Variants in SBF2 observed in about 807,000 individuals in gnomAD.
SBF2 encodes myotubularin-related protein 13.
In SBF2, 112 loss-of-function variants were observed where a neutral mutation model predicts 225.2. The observed-to-expected ratio is 0.50, with a 90% CI of 0.43 to 0.58. The LOEUF is 0.58. Among genes scored for constraint, SBF2 ranks in the 20% least tolerant of loss-of-function variants. The pLI is 0.00. For missense variants in SBF2, 1,996 were observed against 2,206.2 expected, an observed-to-expected ratio of 0.90 and a Z score of 1.91; for synonymous variants, 763 against 773.3, an observed-to-expected ratio of 0.99 and a Z score of 0.22.
At chr11:10,268,795 A>C (rs1962225128) in intron 1 of SBF2, among the ~76,000 whole-genome samples, 1 of 152,238 alleles carries the variant, frequency 6.6e-6, no homozygotes, top group African/African-American at 2.4e-5. Flanking sequence ...AATTAGACAA[A>C]TGTAAACGGA....
intron 1 of SBF2, among the ~76,000 whole-genome samples, chr11:10,224,618 T>A (rs1225379928): frequency 6.6e-6 from 1 of 152,112 alleles, no homozygotes; most frequent in African/African-American, 2.4e-5. Flanking sequence ...ATACCTAAAG[T>A]TTTTTTAATA....
At chr11:9,931,086 A>C (rs969182232) in intron 16 of SBF2, among the ~76,000 whole-genome samples, 2 of 152,244 alleles carry the variant, frequency 1.3e-5, no homozygotes, top group Non-Finnish European at 2.9e-5. Context: ...TGCGTAGGTA[A>C]ACAAAGAAAC....
intron 2 of SBF2, among the ~76,000 whole-genome samples, chr11:10,133,303 C>T (rs1441833132): frequency 1.3e-5 from 2 of 149,536 alleles, no homozygotes; most frequent in South Asian, 2.1e-4. Flanking sequence ...GCCGTGTGCT[C>T]GCATTCCTCA....
At chr11:10,200,528 T>C (rs944282136) in intron 1 of SBF2, among the ~76,000 whole-genome samples, 4 of 152,202 alleles carry the variant, frequency 2.6e-5, no homozygotes, top group Admixed American at 1.3e-4. Context: ...ATGAAACATG[T>C]AAATCCCTTT....
chr11:9,858,243 G>C lies in SBF2; in HGVS notation c.2083C>G (p.Pro695Ala), dbSNP rs772258194. The stretch of plus-strand genomic sequence containing the variant: ...TCTCTTACCTTTTGCTTCAGATGCG[G>C]GGCATGATTGTCTTCCTTGGCTGAG... ...YLSAKEDNHA[P>A]HLKQKDKLPD... Residue 695 changes from proline to alanine, a missense_variant, in exon 18 of 40, where the codon CCG becomes GCG. By Grantham distance (27) the Pro-to-Ala change is conservative (BLOSUM62 -1). Coordinates refer to ENST00000256190, the MANE Select transcript of SBF2 (RefSeq NM_030962.4). The C allele has an allele frequency of 1.9e-6, 3 of 1,614,130 alleles. No individual in the cohort carries two copies. In the East Asian group the frequency reaches 6.7e-5, roughly 36 times the overall value.
intron 2 of SBF2, among the ~76,000 whole-genome samples, chr11:10,043,800 C>G (rs979734014): frequency 2.0e-5 from 3 of 152,048 alleles, no homozygotes; most frequent in Non-Finnish European, 2.9e-5. Flanking sequence ...TCTCGAACTC[C>G]TGGGCTCAAG....
At chr11:9,836,728 T>A (rs1855755518) in intron 26 of SBF2, among the ~76,000 whole-genome samples, 1 of 152,190 alleles carries the variant, frequency 6.6e-6, no homozygotes, top group African/African-American at 2.4e-5. Flanking sequence ...ATCTACTTAT[T>A]TAGCTCTTCA....
chr11:9,894,514 C>T (rs1427110710), intron 17 of SBF2, among the ~76,000 whole-genome samples: 1 of 146,964 alleles, frequency 6.8e-6, no homozygotes, highest in African/African-American at 2.5e-5. Context: ...GAGACCCTGT[C>T]ACAAAAAAAG....
intron 2 of SBF2, among the ~76,000 whole-genome samples, chr11:10,106,338 C>A (rs1013700706): frequency 6.6e-6 from 1 of 152,046 alleles, no homozygotes; most frequent in Non-Finnish European, 1.5e-5. Flanking sequence ...CACCAAAAAA[C>A]ACAACTGGCC....
chr11:9,827,734 C>T lies in SBF2; in HGVS notation c.3793+1622G>A, dbSNP rs536962612. ...AAACCAGTATTTCAGAGGACAGGAG[C>T]AAAAATAACAGGACTTGGAGTTCCT... is the stretch of plus-strand genomic sequence containing the variant. On this transcript the variant is annotated intron_variant, in intron 28 of 39. Coordinates refer to ENST00000256190, the MANE Select transcript of SBF2 (RefSeq NM_030962.4). 1.1e-4 allele frequency among the ~76,000 whole-genome samples: 16 copies of T among 152,254 alleles called. No individual in the cohort carries two copies. The South Asian group carries it at 3.3e-3, about 32-fold the overall frequency.
At chr11:10,275,263 T>C (rs1962864675) in intron 1 of SBF2, among the ~76,000 whole-genome samples, 2 of 152,274 alleles carry the variant, frequency 1.3e-5, no homozygotes, top group African/African-American at 2.4e-5. Context: ...CCTGGTTCCT[T>C]TGAGAGCCAG....
chr11:9,850,675 G>A (rs957306018), intron 21 of SBF2, among the ~76,000 whole-genome samples: 2 of 152,190 alleles, frequency 1.3e-5, no homozygotes, highest in Admixed American at 1.3e-4. Context: ...ACCTGATTTG[G>A]TAAGAGGCAG....
intron 13 of SBF2, among the ~76,000 whole-genome samples, chr11:9,988,613 A>C (rs1456004313): frequency 6.6e-6 from 1 of 152,230 alleles, no homozygotes; most frequent in Non-Finnish European, 1.5e-5. Flanking sequence ...GACAATTCTC[A>C]AAAGAAGGTA....
chr11:10,016,218 G>T (rs1440747258), intron 6 of SBF2, among the ~76,000 whole-genome samples: 1 of 152,138 alleles, frequency 6.6e-6, no homozygotes, highest in Non-Finnish European at 1.5e-5. Flanking sequence ...GCCTGCAGTT[G>T]TAAGGAACTT....
At chr11:9,963,321 C>T (rs1017680396) in intron 15 of SBF2, among the ~76,000 whole-genome samples, 12 of 151,912 alleles carry the variant, frequency 7.9e-5, no homozygotes, top group Non-Finnish European at 1.2e-4. Flanking sequence ...AAAAATGAGG[C>T]GGGCGCAGTG....
At chr11:9,791,979 A>AC (rs1385554611) in intron 33 of SBF2, among the ~76,000 whole-genome samples, 1 of 152,200 alleles carries the variant, frequency 6.6e-6, no homozygotes, top group African/African-American at 2.4e-5. Context: ...GGCAACATGT[A>AC]CACATATAAG....
intron 17 of SBF2, among the ~76,000 whole-genome samples, chr11:9,864,642 C>T (rs1490271911): frequency 3.9e-5 from 6 of 152,164 alleles, no homozygotes; most frequent in Non-Finnish European, 8.8e-5. Context: ...CCGCCTCGGC[C>T]ACCCAAAGTT....
chr11:10,285,083 A>C (rs772236379), intron 1 of SBF2, among the ~76,000 whole-genome samples: 1 of 152,102 alleles, frequency 6.6e-6, no homozygotes, highest in Non-Finnish European at 1.5e-5. Flanking sequence ...GTTCAGGCAA[A>C]AGGACTGCTT....
At chr11:9,814,531 T>C (rs1028301650) in intron 29 of SBF2, among the ~76,000 whole-genome samples, 1 of 152,128 alleles carries the variant, frequency 6.6e-6, no homozygotes, top group African/African-American at 2.4e-5. Context: ...AAATAACTTA[T>C]TTGCTTGGAA....
Sources: allele counts gnomAD v4.1 joint callset (sites outside exome capture counted in the v4.1 genomes callset), GRCh38; gene constraint gnomAD v4.1.1; transcripts MANE v1.5; gene names NCBI Gene and HGNC (gene_info 2026-07-23, HGNC 2026-07-21).